Variants in DNAJC1 observed in about 807,000 individuals in gnomAD.
The protein encoded by DNAJC1 is dnaJ homolog subfamily C member 1.
In DNAJC1, 58 loss-of-function variants were observed where a neutral mutation model predicts 76.6. The observed-to-expected ratio is 0.76, with a 90% confidence interval of 0.61 to 0.94. The LOEUF is 0.94. DNAJC1 is among the 40% of genes least tolerant of loss of function. The pLI is 0.00. For missense variants in DNAJC1, 689 were observed against 677.3 expected (o/e 1.02, Z -0.19); for synonymous variants, 258 against 267.9 (o/e 0.96, Z 0.36).
chr10:21,880,888 G>A (rs753886078), intron 8 of DNAJC1, among the ~76,000 whole-genome samples: 3 of 152,226 alleles, frequency 2.0e-5, no homozygotes, highest in Non-Finnish European at 2.9e-5. Flanking sequence ...CTCTAGCCAT[G>A]AAAGTCCTAG....
At chr10:21,898,116 A>G (rs1161450369) in intron 7 of DNAJC1, among the ~76,000 whole-genome samples, 1 of 152,228 alleles carries the variant, frequency 6.6e-6, no homozygotes, top group Non-Finnish European at 1.5e-5. Context: ...ACCATTTATA[A>G]CCACTCAAAA....
intron 10 of DNAJC1, among the ~76,000 whole-genome samples, chr10:21,765,920 G>C (rs748361319): frequency 2.6e-5 from 4 of 152,234 alleles, no homozygotes; most frequent in Non-Finnish European, 5.9e-5. Context: ...GTGCGGCAGT[G>C]ACAGGGGTGG....
intron 8 of DNAJC1, among the ~76,000 whole-genome samples, chr10:21,854,181 TTATAA>T (rs964802031): frequency 4.6e-5 from 7 of 152,226 alleles, no homozygotes; most frequent in South Asian, 4.1e-4. Flanking sequence ...CACCAGGTAA[TTATAA>T]TATAAGAATT....
intron 1 of DNAJC1, among the ~76,000 whole-genome samples, chr10:21,943,908 CAA>C (rs554420219): frequency 1.4e-4 from 17 of 121,844 alleles, no homozygotes; most frequent in Admixed American, 2.5e-4. Flanking sequence ...GCCACATCAG[CAA>C]AAAAAAAAAA....
intron 7 of DNAJC1, among the ~76,000 whole-genome samples, chr10:21,900,067 G>T (rs1290931244): frequency 6.6e-6 from 1 of 152,176 alleles, no homozygotes; most frequent in Non-Finnish European, 1.5e-5. Flanking sequence ...AATAGGCTGG[G>T]TGCAGCAGCT....
At chr10:21,932,115 TCAC>T (rs1392312640) in intron 1 of DNAJC1, among the ~76,000 whole-genome samples, 1 of 152,138 alleles carries the variant, frequency 6.6e-6, no homozygotes, top group Non-Finnish European at 1.5e-5. Context: ...GGCAGGCAGA[TCAC>T]TTGAGCCCAA....
intron 8 of DNAJC1, among the ~76,000 whole-genome samples, chr10:21,851,634 G>A (rs12355636): frequency 0.019 from 2,879 of 152,148 alleles, 37 homozygotes; most frequent in Non-Finnish European, 0.029. Context: ...TTCCAATCAG[G>A]TATATACCCA....
At position 21,925,566 on chromosome 10, in the gene DNAJC1, G is replaced by GT. The variant is rs552684994; in HGVS notation, c.371+2939dup. Among the ~76,000 whole-genome samples, 338 of 152,198 alleles carry GT rather than the reference G, an allele frequency of 2.2e-3. 3 individuals carry two copies. Among genetic ancestry groups the GT allele is most frequent in the African/African-American group, 7.8e-3 (322 of 41,516 alleles). ...TCCATCAACTGGTGAATAGATAAAC[G>GT]TAAGTGGTATATCCATACAATGGAA... On this transcript the variant is annotated intron_variant, in intron 3 of 11. Transcript: ENST00000376980.
At chr10:21,995,901 G>T (rs147669795) in intron 1 of DNAJC1, among the ~76,000 whole-genome samples, 1 of 152,110 alleles carries the variant, frequency 6.6e-6, no homozygotes, top group African/African-American at 2.4e-5. Flanking sequence ...CTTATGACAC[G>T]CTTAGACAAA....
At chr10:21,824,968 G>A (rs1185875908) in intron 8 of DNAJC1, among the ~76,000 whole-genome samples, 3 of 152,028 alleles carry the variant, frequency 2.0e-5, no homozygotes, top group Admixed American at 6.6e-5. Flanking sequence ...TAGAGACGGG[G>A]TTTCATCACC....
At chr10:21,764,786 A>G (rs1251360804) in intron 10 of DNAJC1, among the ~76,000 whole-genome samples, 3 of 152,240 alleles carry the variant, frequency 2.0e-5, no homozygotes, top group African/African-American at 7.2e-5. Flanking sequence ...TTTGTGACAA[A>G]GACCTTATGG....
intron 8 of DNAJC1, among the ~76,000 whole-genome samples, chr10:21,878,802 C>T (rs1484029307): frequency 6.6e-6 from 1 of 152,024 alleles, no homozygotes; most frequent in Non-Finnish European, 1.5e-5. Context: ...GCAACTAACT[C>T]CAAAAATTGA....
At chr10:21,954,096 T>C (rs971273529) in intron 1 of DNAJC1, among the ~76,000 whole-genome samples, 22 of 152,128 alleles carry the variant, frequency 1.4e-4, no homozygotes, top group Non-Finnish European at 1.5e-5. Flanking sequence ...AAATTATGTG[T>C]TTTAATGTAA....
At chr10:21,772,864 G>A (rs1834404558) in intron 9 of DNAJC1, among the ~76,000 whole-genome samples, 1 of 152,162 alleles carries the variant, frequency 6.6e-6, no homozygotes, top group Admixed American at 6.5e-5. Flanking sequence ...GGCAGCATCT[G>A]CTTGGCTTCT....
At chr10:21,853,787 CAAAAAAAAAAAAAAA>C (rs1011936425) in intron 8 of DNAJC1, among the ~76,000 whole-genome samples, 3 of 12,580 alleles carry the variant, frequency 2.4e-4, no homozygotes, top group Non-Finnish European at 5.3e-4. Flanking sequence ...GACTCCATCT[CAAAAAAAAAAAAAAA>C]AAAAAAAAAA....
At chr10:21,860,834 T>C (rs1331580789) in intron 8 of DNAJC1, 3 of 152,390 alleles carry the variant, frequency 2.0e-5, no homozygotes, top group Non-Finnish European at 4.4e-5. Context: ...TCACCATGAC[T>C]AATTGGGTGC....
intron 9 of DNAJC1, among the ~76,000 whole-genome samples, chr10:21,781,332 G>C (rs1199575693): frequency 6.6e-6 from 1 of 152,152 alleles, no homozygotes; most frequent in Non-Finnish European, 1.5e-5. Context: ...TGACCACACA[G>C]TTGGAAGTAA....
At chr10:21,905,568 G>A (rs1216757224) in intron 6 of DNAJC1, among the ~76,000 whole-genome samples, 1 of 152,194 alleles carries the variant, frequency 6.6e-6, no homozygotes, top group South Asian at 2.1e-4. Flanking sequence ...AAGTTTTTCT[G>A]ACCTTCTCTG....
intron 8 of DNAJC1, among the ~76,000 whole-genome samples, chr10:21,849,833 A>T (rs952093419): frequency 1.3e-4 from 20 of 152,194 alleles, no homozygotes; most frequent in Admixed American, 9.8e-4. Context: ...TCAATGTAAT[A>T]CATCACATTA....
Sources: gnomAD v4.1 joint callset for allele counts (sites outside exome capture counted in the v4.1 genomes callset) on GRCh38, gnomAD v4.1.1 for gene constraint, MANE v1.5 for transcripts, NCBI Gene and HGNC (gene_info 2026-07-23, HGNC 2026-07-21) for gene names.